MALT1: variants seen among roughly 807,000 people sequenced by gnomAD.
MALT1 encodes mucosa-associated lymphoid tissue lymphoma translocation protein 1.
In MALT1, 36 loss-of-function variants were observed where a neutral mutation model predicts 85.5. The observed-to-expected ratio is 0.42, with a 90% CI of 0.32 to 0.56. MALT1 has a LOEUF of 0.56. MALT1 is among the 20% of genes least tolerant of loss of function. The pLI, the probability that MALT1 is intolerant of heterozygous loss-of-function variation, is 0.10. For missense variants in MALT1, 716 were observed against 981.6 expected (o/e 0.73, Z 3.62); for synonymous variants, 359 against 361.3 (o/e 0.99, Z 0.07).
At chr18:58,735,448 C>A in intron 13 of MALT1, 119 bp downstream of exon 13, 2 of 1,044,098 alleles carry the variant, frequency 1.9e-6, no homozygotes. Context: ...GGAATTAGTA[C>A]CTACTTTATA....
chr18:58,746,504 A>ATAGAATGTATC (rs1350450233), intron 16 of MALT1, among the ~76,000 whole-genome samples: 2 of 152,188 alleles, frequency 1.3e-5, no homozygotes, highest in East Asian at 3.8e-4. Context: ...CTACATGACC[A>ATAGAATGTATC]TAGAATGTAT....
chr18:58,688,312 A>ACG (rs1222183005), intron 2 of MALT1, among the ~76,000 whole-genome samples: 2 of 140,176 alleles, frequency 1.4e-5, no homozygotes, highest in African/African-American at 5.1e-5. Context: ...ACACACACAC[A>ACG]CACACACACA....
intron 10 of MALT1, among the ~76,000 whole-genome samples, chr18:58,727,616 G>GGTTTTTTTTTTT (rs1555688173): frequency 6.6e-4 from 80 of 121,254 alleles, no homozygotes; most frequent in African/African-American, 2.6e-3. Context: ...GGTTTTTTGT[G>GGTTTTTTTTTTT]TTTTTTTTTT....
intron 13 of MALT1, among the ~76,000 whole-genome samples, chr18:58,741,032 T>C (rs977067236): frequency 5.3e-5 from 8 of 152,126 alleles, no homozygotes; most frequent in Admixed American, 4.6e-4. Context: ...CCACACCAAC[T>C]TCCTTTTTGT....
chr18:58,731,100 C>T (rs1413215812), intron 10 of MALT1, among the ~76,000 whole-genome samples: 1 of 152,094 alleles, frequency 6.6e-6, no homozygotes, highest in African/African-American at 2.4e-5. Flanking sequence ...TACAGGCTCC[C>T]ACCACCACAC....
chr18:58,713,223 ATTG>A (rs1216255935), intron 7 of MALT1, among the ~76,000 whole-genome samples: 3 of 152,300 alleles, frequency 2.0e-5, no homozygotes, highest in East Asian at 1.9e-4. Flanking sequence ...TTTGTAATTT[ATTG>A]TTAATGTTAA....
Position 58,747,560 on chromosome 18 carries a change from T to C in MALT1, c.2193T>C (p.Leu731=), listed in dbSNP as rs2055386791. Residue 731 remains leucine (L), a synonymous_variant, in exon 17 of 17, where the codon CTT becomes CTC. Coordinates refer to ENST00000649217, the MANE Select transcript of MALT1 (RefSeq NM_006785.4). ...LGRKTCFQTC[L]MSNGPYQSSA... is the part of the protein sequence containing the mutation. Reference sequence around the variant, plus strand: ...GGAAGACTTGCTTTCAAACTTGTCTTATGTCTAATGGTCCTTACCAGAGTT... The same window carrying C: ...GGAAGACTTGCTTTCAAACTTGTCTCATGTCTAATGGTCCTTACCAGAGTT... 6.2e-7 allele frequency: 1 copy of C among 1,614,056 alleles called. No individual in the cohort carries two copies. Among genetic ancestry groups the C allele is most frequent in the Admixed American group, 1.7e-5 (1 of 60,000 alleles).
In MALT1 at chr18:58,753,193, T is replaced by A. The variant is rs183631924; in HGVS notation, c.*5351T>A. 7.2e-5 allele frequency: 11 copies of A among 152,266 alleles called. No individual in the cohort carries two copies. The highest frequency in any genetic ancestry group is 9.6e-5 in the African/African-American group (4 of 41,542). The allele number at this position is 152,266 out of a possible 1,614,324, so 9.4% of individuals were successfully genotyped here. On this transcript the variant is annotated 3_prime_UTR_variant, in exon 17 of 17. Coordinates refer to ENST00000649217, the MANE Select transcript of MALT1 (RefSeq NM_006785.4). Reference sequence around the variant, plus strand: ...GTAGGCAGTATAGAGTGTTTTTTTTTATTTGTTTTTTTGTTGTTGTCTTTT... The same window carrying A: ...GTAGGCAGTATAGAGTGTTTTTTTTAATTTGTTTTTTTGTTGTTGTCTTTT...
chr18:58,723,362 G>T, intron 10 of MALT1, 111 bp downstream of exon 10: 3 of 680,700 alleles, frequency 4.4e-6, no homozygotes, highest in Non-Finnish European at 7.0e-6. Flanking sequence ...GTTGTTGAAT[G>T]GAAGAGTTTT....
At chr18:58,692,991 GGT>G (rs2144343198) in intron 2 of MALT1, among the ~76,000 whole-genome samples, 1 of 152,332 alleles carries the variant, frequency 6.6e-6, no homozygotes, top group Admixed American at 6.5e-5. Flanking sequence ...AAGACAGAGA[GGT>G]GAGGAAGCTG....
At chr18:58,739,176 T>C (rs950578309) in intron 13 of MALT1, among the ~76,000 whole-genome samples, 13 of 152,238 alleles carry the variant, frequency 8.5e-5, no homozygotes, top group African/African-American at 3.1e-4. Context: ...TAAATCACTT[T>C]CATTGGGATG....
intron 4 of MALT1, among the ~76,000 whole-genome samples, chr18:58,704,668 G>C (rs2144372859): frequency 6.6e-6 from 1 of 152,276 alleles, no homozygotes; most frequent in Admixed American, 6.5e-5. Context: ...ATGTTGCCCA[G>C]GCTGGTCTCA....
chr18:58,734,167 C>A, intron 11 of MALT1, 140 bp from the exon 12 acceptor site: 1 of 1,118,446 alleles, frequency 8.9e-7, no homozygotes, highest in Non-Finnish European at 1.2e-6. Context: ...ATGTAGCTAC[C>A]TAGATGAAAA....
intron 4 of MALT1, among the ~76,000 whole-genome samples, chr18:58,704,113 T>C (rs2054712218): frequency 1.3e-5 from 2 of 152,254 alleles, no homozygotes; most frequent in Non-Finnish European, 1.5e-5. Context: ...AGTTTTGGAA[T>C]ATTATGAATA....
chr18:58,734,012 C>T (rs2055190195), intron 11 of MALT1: 2 of 1,199,550 alleles, frequency 1.7e-6, no homozygotes, highest in African/African-American at 1.5e-5. Context: ...CATTGCCTTT[C>T]TAAGGAGTAG....
intron 16 of MALT1, 143 bp from the exon 17 acceptor site, chr18:58,747,262 T>C (rs1438966527): frequency 4.9e-6 from 3 of 616,682 alleles, no homozygotes; most frequent in Non-Finnish European, 8.7e-6. Context: ...CAGGGAGATA[T>C]AAAGGATGCC....
intron 2 of MALT1, among the ~76,000 whole-genome samples, chr18:58,684,000 C>T (rs1020193403): frequency 2.0e-5 from 3 of 152,072 alleles, no homozygotes; most frequent in Admixed American, 6.5e-5. Context: ...GATATGATCT[C>T]GGCTCACTGC....
chr18:58,734,436 G>A, intron 12 of MALT1, 55 bp downstream of exon 12: 3 of 1,470,072 alleles, frequency 2.0e-6, no homozygotes, highest in Non-Finnish European at 2.9e-6. Flanking sequence ...ATGTCTTTTT[G>A]TTTTTGCTTT....
intron 1 of MALT1, among the ~76,000 whole-genome samples, chr18:58,673,359 AT>A (rs2054194807): frequency 6.6e-6 from 1 of 152,210 alleles, no homozygotes; most frequent in South Asian, 2.1e-4. Flanking sequence ...ATGGATTTTT[AT>A]CTTTTATTGA....
Sources: gnomAD v4.1 joint callset for allele counts (sites outside exome capture counted in the v4.1 genomes callset) on GRCh38, gnomAD v4.1.1 for gene constraint, MANE v1.5 for transcripts, NCBI Gene and HGNC (gene_info 2026-07-23, HGNC 2026-07-21) for gene names.